The following C8orf34 variants were observed in gnomAD, a reference collection of about 807,000 sequenced individuals.
C8orf34 encodes the protein chromosome 8 open reading frame 34, also known as uncharacterized protein C8orf34.
In C8orf34, 65 loss-of-function variants were observed where a neutral mutation model predicts 68.3. That is an observed-to-expected ratio of 0.95 (90% CI 0.78 to 1.17). The LOEUF (loss-of-function observed/expected upper bound fraction) is 1.17. Ranked by LOEUF, C8orf34 falls within the 50% of genes most tolerant of loss-of-function variation. C8orf34 has a pLI of 0.00. For missense variants in C8orf34, 664 were observed against 655.4 expected, an observed-to-expected ratio of 1.01 and a Z score of -0.14; for synonymous variants, 244 against 241.2, an observed-to-expected ratio of 1.01 and a Z score of -0.11.
intron 12 of C8orf34, among the ~76,000 whole-genome samples, chr8:68,807,946 T>C (rs1245914051): frequency 1.3e-5 from 2 of 152,262 alleles, no homozygotes; most frequent in South Asian, 2.1e-4. Flanking sequence ...GGGAATTTAT[T>C]TGGGTAACAT....
chr8:68,591,915 T>A (rs539260185), intron 7 of C8orf34, among the ~76,000 whole-genome samples: 39 of 152,292 alleles, frequency 2.6e-4, no homozygotes, highest in Middle Eastern at 3.4e-3. Flanking sequence ...CTTTCATGAG[T>A]AAGATATTTT....
chr8:68,387,249 G>A (rs1808300464), intron 1 of C8orf34, among the ~76,000 whole-genome samples: 1 of 152,120 alleles, frequency 6.6e-6, no homozygotes. Flanking sequence ...TGACATTTGG[G>A]TAGGAGAGTG....
At chr8:68,694,726 A>G (rs1387094966) in intron 8 of C8orf34, among the ~76,000 whole-genome samples, 2 of 151,998 alleles carry the variant, frequency 1.3e-5, no homozygotes, top group East Asian at 3.9e-4. Context: ...GGGGCTTCTT[A>G]GTTATTCATT....
intron 10 of C8orf34, among the ~76,000 whole-genome samples, chr8:68,749,390 TAAAAA>T (rs1013557812): frequency 6.7e-6 from 1 of 150,124 alleles, no homozygotes; most frequent in East Asian, 1.9e-4. Flanking sequence ...AATATAATAA[TAAAAA>T]AAAGACAGAA....
chr8:68,787,763 G>C (rs1823886254), intron 12 of C8orf34: 1 of 305,786 alleles, frequency 3.3e-6, no homozygotes, highest in Non-Finnish European at 6.1e-6. Context: ...GAAAAAAAAA[G>C]CAATTCTTTC....
chr8:68,711,029 C>T (rs550330250), intron 9 of C8orf34, among the ~76,000 whole-genome samples: 6 of 152,244 alleles, frequency 3.9e-5, no homozygotes, highest in East Asian at 1.9e-4. Context: ...GCCCAGAGCC[C>T]GGTAGCTCCA....
chr8:68,347,571 A>T (rs189335353), intron 1 of C8orf34, among the ~76,000 whole-genome samples: 2 of 151,762 alleles, frequency 1.3e-5, no homozygotes, highest in African/African-American at 4.8e-5. Flanking sequence ...ACTAATTTAC[A>T]CTCCCAACAG....
intron 7 of C8orf34, among the ~76,000 whole-genome samples, chr8:68,565,049 C>T (rs1481494931): frequency 6.6e-6 from 1 of 152,186 alleles, no homozygotes; most frequent in African/African-American, 2.4e-5. Context: ...CATTTGGCCC[C>T]ATAGGAGCAG....
At chr8:68,631,198 G>T (rs927284648) in intron 7 of C8orf34, among the ~76,000 whole-genome samples, 4 of 151,990 alleles carry the variant, frequency 2.6e-5, no homozygotes, top group African/African-American at 9.6e-5. Context: ...GGAGATGGAG[G>T]TTGCAGTGAG....
At chr8:68,638,010 G>T (rs1313116166) in intron 7 of C8orf34, among the ~76,000 whole-genome samples, 1 of 152,174 alleles carries the variant, frequency 6.6e-6, no homozygotes, top group Admixed American at 6.5e-5. Context: ...GTCATTGTGG[G>T]TAGGTAACTA....
chr8:68,720,624 G>A (rs1395696619), intron 9 of C8orf34, among the ~76,000 whole-genome samples: 1 of 151,374 alleles, frequency 6.6e-6, no homozygotes, highest in Non-Finnish European at 1.5e-5. Flanking sequence ...AAAAGAAGGA[G>A]TTCAAACTCA....
At chr8:68,346,262 C>T (rs1188445276) in intron 1 of C8orf34, among the ~76,000 whole-genome samples, 1 of 144,562 alleles carries the variant, frequency 6.9e-6, no homozygotes, top group African/African-American at 2.7e-5. Context: ...TAATAATCTC[C>T]CTACCTTTTT....
At chr8:68,730,787 T>C (rs1821957818) in intron 10 of C8orf34, among the ~76,000 whole-genome samples, 1 of 152,106 alleles carries the variant, frequency 6.6e-6, no homozygotes, top group Non-Finnish European at 1.5e-5. Flanking sequence ...TGGCCTAATA[T>C]ACATTGATGC....
chr8:68,621,755 G>C lies in C8orf34; in HGVS notation c.1106-18621G>C, dbSNP rs150859086. Among the ~76,000 whole-genome samples, 66 of 152,300 alleles carry C rather than the reference G, an allele frequency of 4.3e-4. 1 individual carries two copies. The highest frequency in any genetic ancestry group is 1.4e-3 in the African/African-American group (60 of 41,564). On this transcript the variant is annotated intron_variant, in intron 7 of 13. Transcript: ENST00000518698. ...AACTTCGGTTAGTCAAGGCAAAACT[G>C]CTCACTGAAGTAATTCTTCAAGACT...
chr8:68,380,933 C>A (rs1181438112), intron 1 of C8orf34, among the ~76,000 whole-genome samples: 2 of 151,952 alleles, frequency 1.3e-5, no homozygotes, highest in African/African-American at 2.4e-5. Flanking sequence ...AATTGAGAGT[C>A]CATATTAATA....
At chr8:68,447,358 T>C (rs893027116) in intron 3 of C8orf34, 1 of 152,154 alleles carries the variant, frequency 6.6e-6, no homozygotes, top group Non-Finnish European at 1.5e-5. Context: ...AGGACAAATA[T>C]CCAAGCTATA....
intron 8 of C8orf34, among the ~76,000 whole-genome samples, chr8:68,687,413 G>C (rs761595498): frequency 6.6e-6 from 1 of 151,852 alleles, no homozygotes; most frequent in Admixed American, 6.6e-5. Flanking sequence ...ATAAAAATAG[G>C]ATCTTAGACC....
chr8:68,445,311 T>G (rs895481704), intron 2 of C8orf34, among the ~76,000 whole-genome samples: 1 of 152,180 alleles, frequency 6.6e-6, no homozygotes, highest in Non-Finnish European at 1.5e-5. Context: ...AGGGTGGTTT[T>G]TAAATTTGTA....
chr8:68,527,517 A>G (rs1007089090), intron 6 of C8orf34, among the ~76,000 whole-genome samples: 2 of 152,210 alleles, frequency 1.3e-5, no homozygotes, highest in African/African-American at 2.4e-5. Context: ...GCTTGCAGTG[A>G]GCTGAGATCG....
Sources: gnomAD v4.1 joint callset for allele counts (sites outside exome capture counted in the v4.1 genomes callset) on GRCh38, gnomAD v4.1.1 for gene constraint, MANE v1.5 for transcripts, NCBI Gene and HGNC (gene_info 2026-07-23, HGNC 2026-07-21) for gene names.